FBN1: variants seen among roughly 807,000 people sequenced by gnomAD.
FBN1 encodes the protein fibrillin 1, also known as fibrillin-1.
In FBN1, 29 loss-of-function variants were observed where a neutral mutation model predicts 365.1. The ratio of observed to expected loss-of-function variants is 0.08; its 90% CI spans 0.06 to 0.11. The LOEUF (loss-of-function observed/expected upper bound fraction) is 0.11, where lower values mean the gene tolerates loss of function less well. FBN1 is among the 10% of genes least tolerant of loss of function. The probability of loss-of-function intolerance (pLI) is 1.00; values close to 1 mark genes in which losing one functional copy is unlikely to be tolerated. For synonymous variants in FBN1, 1,210 were observed against 1,270.5 expected (o/e 0.95, Z 1.01); for missense variants, 2,476 against 3,703.2 (o/e 0.67, Z 8.60).
rs1362580635 is a variant in FBN1 at position 48,505,116 on chromosome 15, G to A, written c.1869C>T (p.Cys623=). 6.2e-7 allele frequency: 1 copy of A among 1,614,168 alleles called. No individual in the cohort carries two copies. Among genetic ancestry groups the A allele is most frequent in the Non-Finnish European group, 8.5e-7 (1 of 1,180,030 alleles). Residue 623 remains cysteine, a synonymous_variant, in exon 16 of 66, where the codon TGC becomes TGT. Coordinates refer to ENST00000316623, the MANE Select transcript of FBN1 (RefSeq NM_000138.5). ...DINECETPGI[C]MNGRCVNTDG... ...CAGTGTTGACGCAACGCCCATTCAT[G>A]CAGATCCCAGGGGTTTCACACTCGT...
chr15:48,491,647 G>A (rs771592620), intron 24 of FBN1, among the ~76,000 whole-genome samples: 6 of 149,162 alleles, frequency 4.0e-5, no homozygotes, highest in Admixed American at 1.3e-4. Flanking sequence ...CATCGCACCC[G>A]GCCCACTTTT....
chr15:48,507,966 G>A (rs35716640), intron 15 of FBN1, among the ~76,000 whole-genome samples: 16,830 of 151,952 alleles, frequency 0.11, 1,083 homozygotes, highest in Non-Finnish European at 0.14. Context: ...TTTTTGCTTC[G>A]ATACCTGGGG....
At chr15:48,535,373 C>T (rs888547732) in intron 7 of FBN1, among the ~76,000 whole-genome samples, 1 of 152,190 alleles carries the variant, frequency 6.6e-6, no homozygotes, top group Non-Finnish European at 1.5e-5. Context: ...TGTTGTATAA[C>T]CAGCACCTAA....
intron 6 of FBN1, among the ~76,000 whole-genome samples, chr15:48,553,284 G>A (rs2044156867): frequency 6.6e-6 from 1 of 152,062 alleles, no homozygotes; most frequent in Non-Finnish European, 1.5e-5. Flanking sequence ...ATATTTGATT[G>A]CTTACCATAA....
At chr15:48,610,699 T>C in intron 4 of FBN1, 29 bp downstream of exon 4, 1 of 1,515,860 alleles carries the variant, frequency 6.6e-7, no homozygotes, top group Non-Finnish European at 9.1e-7. Flanking sequence ...CATAAAATAA[T>C]ATTATATATA....
chr15:48,416,187 G>A (rs1034702145), intron 63 of FBN1, among the ~76,000 whole-genome samples: 9 of 152,166 alleles, frequency 5.9e-5, no homozygotes, highest in Admixed American at 3.3e-4. Context: ...AGTTCTCTGC[G>A]TACTTGCTTC....
chr15:48,479,155 G>A (rs955141798), intron 32 of FBN1, among the ~76,000 whole-genome samples: 2 of 152,132 alleles, frequency 1.3e-5, no homozygotes, highest in Admixed American at 6.5e-5. Context: ...GTAACCTGAC[G>A]GTGTTCTAAG....
intron 7 of FBN1, 97 bp from the exon 8 acceptor site, chr15:48,534,302 A>G: frequency 7.8e-7 from 1 of 1,280,060 alleles, no homozygotes; most frequent in Middle Eastern, 2.1e-4. Flanking sequence ...ATGTTACCAT[A>G]TTTATATCGG....
intron 2 of FBN1, among the ~76,000 whole-genome samples, chr15:48,614,794 G>A (rs185343121): frequency 6.6e-6 from 1 of 152,162 alleles, no homozygotes; most frequent in African/African-American, 2.4e-5. Context: ...TAATGGACAT[G>A]AAAGCTTCAT....
rs1201987986 is a variant in FBN1 at position 48,445,637 on chromosome 15, A to G, written c.5789-133T>C. On this transcript the variant is annotated intron_variant, in intron 47 of 65. Coordinates refer to ENST00000316623, the MANE Select transcript of FBN1 (RefSeq NM_000138.5). ...CTTTGCTGGCTTAGCCAAACAAGAA[A>G]TGCCAATGAAGATCTAGTTTGCAAC... The G allele has an allele frequency of 3.4e-6, 3 of 894,620 alleles. No homozygotes were observed. In the Admixed American group the frequency reaches 6.0e-5, roughly 18 times the overall value. The allele number at this position is 894,620 out of a possible 1,614,324, so 55.4% of individuals were successfully genotyped here.
intron 6 of FBN1, among the ~76,000 whole-genome samples, chr15:48,547,561 C>G (rs952091782): frequency 6.6e-6 from 1 of 152,162 alleles, no homozygotes; most frequent in Non-Finnish European, 1.5e-5. Context: ...GAAATGCCTT[C>G]TATAAATATG....
At chr15:48,634,053 C>T (rs1890044310) in intron 2 of FBN1, among the ~76,000 whole-genome samples, 5 of 152,078 alleles carry the variant, frequency 3.3e-5, no homozygotes, top group Admixed American at 2.6e-4. Context: ...AGATATAAGC[C>T]ATAATTTCAA....
intron 64 of FBN1, 63 bp from the exon 65 acceptor site, chr15:48,412,806 A>T: frequency 6.3e-7 from 1 of 1,590,716 alleles, no homozygotes; most frequent in Non-Finnish European, 8.6e-7. Flanking sequence ...AGGTGGTACA[A>T]GAGTTCTGGT....
chr15:48,517,643 G>A (rs1036925709), intron 10 of FBN1, among the ~76,000 whole-genome samples: 1 of 152,158 alleles, frequency 6.6e-6, no homozygotes, highest in African/African-American at 2.4e-5. Flanking sequence ...TTCCAAGGAT[G>A]TATTTATTTT....
At chr15:48,472,420 T>A (rs1434690017) in intron 35 of FBN1, 131 bp downstream of exon 35, 38 of 1,282,822 alleles carry the variant, frequency 3.0e-5, no homozygotes, top group Admixed American at 7.6e-5. Flanking sequence ...CAAACTGAAC[T>A]GACCAGCTTA....
At chr15:48,614,857 A>G (rs538138065) in intron 2 of FBN1, among the ~76,000 whole-genome samples, 2 of 152,348 alleles carry the variant, frequency 1.3e-5, no homozygotes, top group East Asian at 3.8e-4. Flanking sequence ...TGATGGAATC[A>G]TCTTCTGACC....
At chr15:48,521,989 T>A (rs1223050696) in intron 9 of FBN1, among the ~76,000 whole-genome samples, 1 of 152,192 alleles carries the variant, frequency 6.6e-6, no homozygotes, top group Non-Finnish European at 1.5e-5. Context: ...CACTCCCCAT[T>A]GCTGGCATTA....
intron 1 of FBN1, among the ~76,000 whole-genome samples, chr15:48,645,199 C>T (rs1890278880): frequency 1.3e-5 from 2 of 152,198 alleles, no homozygotes; most frequent in Admixed American, 6.5e-5. Context: ...CCCATATCCC[C>T]AGCGGTCCTA....
At chr15:48,619,728 T>G (rs972394406) in intron 2 of FBN1, among the ~76,000 whole-genome samples, 2 of 147,796 alleles carry the variant, frequency 1.4e-5, no homozygotes, top group Non-Finnish European at 2.9e-5. Context: ...ACCCAAAGGT[T>G]TTTTTTAAGT....
Sources: allele counts gnomAD v4.1 joint callset (sites outside exome capture counted in the v4.1 genomes callset), GRCh38; gene constraint gnomAD v4.1.1; transcripts MANE v1.5; gene names NCBI Gene and HGNC (gene_info 2026-07-23, HGNC 2026-07-21).